PFKL: variants seen among roughly 807,000 people sequenced by gnomAD.
PFKL encodes the protein ATP-dependent 6-phosphofructokinase, liver type.
A neutral mutation model predicts 92.1 loss-of-function variants in PFKL; 74 were observed. That is an observed-to-expected ratio of 0.80 (90% CI 0.67 to 0.97). The LOEUF (loss-of-function observed/expected upper bound fraction) is 0.97, where lower values mean the gene tolerates loss of function less well. PFKL is among the 50% of genes least tolerant of loss of function. The pLI is 0.00. For synonymous variants in PFKL, 494 were observed against 456.4 expected (o/e 1.08, Z -1.05); for missense variants, 1,028 against 1,116.6 (o/e 0.92, Z 1.13).
chr21:44,300,072 G>T lies in PFKL; in HGVS notation c.-34G>T. ...GACGGCGACGCGGCGCAGGCGGCGG[G>T]AGTGCGAGCTGGGCCCGTGTTTCGG... On this transcript the variant is annotated 5_prime_UTR_variant, in exon 1 of 22. Transcript: ENST00000349048. 9.9e-7 allele frequency: 1 copy of T among 1,014,874 alleles called. No homozygotes were observed. The highest frequency in any genetic ancestry group is 1.2e-6 in the Non-Finnish European group (1 of 839,834). 62.9% of individuals were successfully genotyped at this position (1,014,874 alleles called of 1,614,324 possible). A position where few individuals can be genotyped will look rare whatever the true frequency, so the allele number is the denominator to read the frequency against.
Position 44,316,279 on chromosome 21 carries a change from C to T in PFKL, c.783C>T (p.Ile261=), listed in dbSNP as rs200752087. ...RSRGSRLNII[I]IAEGAIDRNG... ...GTGGGTCCCGACTGAACATCATCAT[C>T]ATCGCTGAGGGTGCCATTGACCGCA... Residue 261 remains isoleucine (I), a synonymous_variant, in exon 8 of 22, where the codon ATC becomes ATT. Coordinates refer to ENST00000349048, the MANE Select transcript of PFKL (RefSeq NM_002626.6). 171 of 1,613,252 alleles carry T rather than the reference C, an allele frequency of 1.1e-4. No homozygotes were observed. The highest frequency in any genetic ancestry group is 1.4e-4 in the Non-Finnish European group (167 of 1,179,968).
chr21:44,319,446 T>TA (rs758686277), intron 11 of PFKL, 31 bp downstream of exon 11: 86 of 1,587,780 alleles, frequency 5.4e-5, no homozygotes, highest in Non-Finnish European at 7.0e-5. Flanking sequence ...CCTGCACTCT[T>TA]ACATGGCTGG....
At position 44,315,871 on chromosome 21, in the gene PFKL, CCT is replaced by C. The variant is rs144751209; in HGVS notation, c.748-372_748-371del. On this transcript the variant is annotated intron_variant, in intron 7 of 21. Transcript: ENST00000349048. ...GGCTAGCCCGGGCAGGCCCCTCTGC[CCT>C]GTGCCCCGTGGAGCTGCAGCCCTGT... 1,662 of 305,200 alleles carry C rather than the reference CCT, an allele frequency of 5.4e-3. 38 individuals are homozygous for C. Among genetic ancestry groups the C allele is most frequent in the African/African-American group, 0.034 (1,552 of 46,032 alleles). 18.9% of individuals were successfully genotyped at this position (305,200 alleles called of 1,614,324 possible).
chr21:44,323,296 C>T lies in PFKL; in HGVS notation c.1497+247C>T, dbSNP rs115272760. 6.4e-3 allele frequency among the ~76,000 whole-genome samples: 977 copies of T among 152,174 alleles called. 12 individuals are homozygous for T. Among genetic ancestry groups the T allele is most frequent in the African/African-American group, 0.022 (924 of 41,514 alleles). On this transcript the variant is annotated intron_variant, in intron 15 of 21. Transcript: ENST00000349048. ...GCTCGGGAGGGTTCTTTACTTTCTCCGGAAAGCTTCACAAGGTTCCGATTA... is the reference window on the plus strand; with the variant it reads ...GCTCGGGAGGGTTCTTTACTTTCTCTGGAAAGCTTCACAAGGTTCCGATTA...
chr21:44,304,303 G>T (rs1397915476), intron 1 of PFKL: 6 of 1,289,034 alleles, frequency 4.7e-6, no homozygotes, highest in Non-Finnish European at 6.1e-6. Context: ...CAGGCCCCCT[G>T]CTGAGATGGC....
chr21:44,312,933 G>A (rs2047089281), intron 4 of PFKL, 45 bp from the exon 5 acceptor site: 23 of 1,601,582 alleles, frequency 1.4e-5, no homozygotes, highest in Non-Finnish European at 2.0e-5. Context: ...CCTGTGGTGG[G>A]GCCAGTGGAG....
intron 2 of PFKL, among the ~76,000 whole-genome samples, chr21:44,307,577 G>T (rs759910981): frequency 6.6e-6 from 1 of 152,196 alleles, no homozygotes; most frequent in Non-Finnish European, 1.5e-5. Flanking sequence ...CTCACTGCTC[G>T]CTGCTGACCA....
intron 12 of PFKL, 44 bp from the exon 13 acceptor site, chr21:44,321,685 C>T (rs1202549954): frequency 2.0e-6 from 3 of 1,480,220 alleles, no homozygotes; most frequent in South Asian, 2.8e-5. Context: ...TTGGGGGTCC[C>T]CTCCCCGGCT....
intron 5 of PFKL, 103 bp from the exon 6 acceptor site, chr21:44,313,535 G>C (rs1414407026): frequency 7.2e-6 from 8 of 1,112,186 alleles, no homozygotes; most frequent in African/African-American, 3.1e-5. Flanking sequence ...GCTGTCCCCT[G>C]CCTGCCTCTC....
chr21:44,312,369 G>T (rs1188000502), intron 4 of PFKL, 75 bp downstream of exon 4: 2 of 1,352,902 alleles, frequency 1.5e-6, no homozygotes, highest in Admixed American at 6.0e-5. Context: ...GAATGGGCAG[G>T]ACAGAGGGAC....
intron 4 of PFKL, 88 bp from the exon 5 acceptor site, chr21:44,312,890 G>A (rs976253982): frequency 2.0e-5 from 29 of 1,418,810 alleles, no homozygotes; most frequent in Admixed American, 5.4e-5. Context: ...CCTGGGATGC[G>A]GGGGAAGGGG....
Position 44,318,608 on chromosome 21 carries a change from C to G in PFKL, c.1062+13C>G, listed in dbSNP as rs745498827. ...GTGCGTGCAGATGGTAAGCCCTGGG[C>G]CCCCCCCATCAGAACCGCCTGGCCC... On this transcript the variant is annotated intron_variant, in intron 10 of 21. Transcript: ENST00000349048. The G allele has an allele frequency of 1.4e-6, 2 of 1,449,230 alleles. No individual in the cohort carries two copies. The highest frequency in any genetic ancestry group is 1.4e-5 in the African/African-American group (1 of 69,276). The allele number at this position is 1,449,230 out of a possible 1,614,324, so 89.8% of individuals were successfully genotyped here.
At chr21:44,316,037 CT>C in intron 7 of PFKL, 1 of 590,980 alleles carries the variant, frequency 1.7e-6, no homozygotes, top group South Asian at 2.0e-5. Context: ...TGTTCACCGC[CT>C]CCAGGAGGGC....
chr21:44,303,441 A>AAAAAAAAAAGACTTGGTCG, intron 1 of PFKL, among the ~76,000 whole-genome samples: 1 of 97,096 alleles, frequency 1.0e-5, no homozygotes, highest in Admixed American at 1.1e-4. Context: ...ACCAAAAAAA[A>AAAAAAAAAAGACTTGGTCG]AAAAAAAAAA....
intron 9 of PFKL, 152 bp downstream of exon 9, chr21:44,316,676 G>A: frequency 3.2e-6 from 2 of 633,384 alleles, no homozygotes; most frequent in Non-Finnish European, 5.5e-6. Flanking sequence ...GTGTATGTGT[G>A]GGGGACGCGT....
chr21:44,316,692 TTGTGGGTGTGTCTGTGTGTGTCTGGTCCG>T (rs2146481767), intron 9 of PFKL, among the ~76,000 whole-genome samples, 168 bp downstream of exon 9: 1 of 151,778 alleles, frequency 6.6e-6, no homozygotes, highest in East Asian at 1.9e-4. Context: ...CGCGTGGTCC[TTGTGGGTGTGTCTGTGTGTGTCTGGTCCG>T]TGTGGGTGTG....
intron 2 of PFKL, 130 bp from the exon 3 acceptor site, chr21:44,310,876 A>G (rs2047021698): frequency 1.5e-6 from 1 of 660,452 alleles, no homozygotes; most frequent in Non-Finnish European, 2.7e-6. Context: ...CCCTGGGATG[A>G]TGGTGGGGCC....
intron 2 of PFKL, among the ~76,000 whole-genome samples, chr21:44,307,077 C>T (rs974655067): frequency 6.6e-6 from 1 of 152,078 alleles, no homozygotes; most frequent in Non-Finnish European, 1.5e-5. Context: ...GCCCCACCCA[C>T]CACACCCCTG....
At chr21:44,302,790 G>T (rs756633606) in intron 1 of PFKL, among the ~76,000 whole-genome samples, 1 of 152,232 alleles carries the variant, frequency 6.6e-6, no homozygotes, top group Non-Finnish European at 1.5e-5. Flanking sequence ...AGGCCACCTT[G>T]CAAGTTCCTT....
Sources: allele counts gnomAD v4.1 joint callset (sites outside exome capture counted in the v4.1 genomes callset), GRCh38; gene constraint gnomAD v4.1.1; transcripts MANE v1.5; gene names NCBI Gene and HGNC (gene_info 2026-07-23, HGNC 2026-07-21).